CCDC172: variants seen among roughly 807,000 people sequenced by gnomAD.
The protein encoded by CCDC172 is coiled-coil domain-containing protein 172.
CCDC172 carries 30 observed loss-of-function variants against 38.0 expected under a neutral mutation model. The observed-to-expected ratio is 0.79, with a 90% CI of 0.59 to 1.07. CCDC172 has a LOEUF of 1.07. Ranked by LOEUF, CCDC172 falls within the 50% of genes least tolerant of loss-of-function variation. The pLI is 0.00. For synonymous variants in CCDC172, 78 were observed against 88.3 expected (o/e 0.88, Z 0.66); for missense variants, 297 against 290.1 (o/e 1.02, Z -0.17).
At chr10:116,342,290 TGAGCAAA>T in intron 5 of CCDC172, 89 bp downstream of exon 5, 1 of 1,123,412 alleles carries the variant, frequency 8.9e-7, no homozygotes. Flanking sequence ...AACTTTTTCA[TGAGCAAA>T]TTGGGTTATT....
chr10:116,339,532 T>G (rs1844768719), intron 3 of CCDC172, among the ~76,000 whole-genome samples: 1 of 151,862 alleles, frequency 6.6e-6, no homozygotes, highest in African/African-American at 2.4e-5. Flanking sequence ...TCCCCCAATC[T>G]CTAAAATATT....
chr10:116,358,063 C>G, intron 7 of CCDC172, 125 bp downstream of exon 7: 3 of 603,974 alleles, frequency 5.0e-6, no homozygotes, highest in South Asian at 3.9e-5. Flanking sequence ...ATTTTCTTCT[C>G]TGTGTATTCT....
At position 116,379,428 on chromosome 10, in the gene CCDC172, A is replaced by G; in HGVS notation, c.*70A>G. 2.0e-6 allele frequency: 2 copies of G among 1,015,432 alleles called. No homozygotes were observed. The highest frequency in any genetic ancestry group is 3.0e-6 in the Non-Finnish European group (2 of 677,394). 62.9% of individuals were successfully genotyped at this position (1,015,432 alleles called of 1,614,324 possible). A position where few individuals can be genotyped will look rare whatever the true frequency, so the allele number is the denominator to read the frequency against. ...TGAGAATCAAATCTTTGTGATAGAT[A>G]TATGAATGGTACCCGTTACAACGGA... On this transcript the variant is annotated 3_prime_UTR_variant, in exon 9 of 9. Coordinates refer to ENST00000333254, the MANE Select transcript of CCDC172 (RefSeq NM_198515.3).
chr10:116,336,071 G>C (rs1589948254), intron 3 of CCDC172, among the ~76,000 whole-genome samples: 1 of 152,036 alleles, frequency 6.6e-6, no homozygotes, highest in Non-Finnish European at 1.5e-5. Flanking sequence ...GGAGGCTGAG[G>C]CAGGAGAATT....
At chr10:116,374,598 G>A (rs1276625059) in intron 7 of CCDC172, among the ~76,000 whole-genome samples, 1 of 151,482 alleles carries the variant, frequency 6.6e-6, no homozygotes, top group Non-Finnish European at 1.5e-5. Context: ...GGATAAAGGG[G>A]GACTATAGTA....
At chr10:116,341,260 CAG>C (rs1844790441) in intron 4 of CCDC172, among the ~76,000 whole-genome samples, 1 of 151,966 alleles carries the variant, frequency 6.6e-6, no homozygotes. Context: ...TTTTGAATGA[CAG>C]GGCCAATTTA....
intron 5 of CCDC172, among the ~76,000 whole-genome samples, chr10:116,344,471 T>A (rs1844838857): frequency 6.6e-6 from 1 of 152,180 alleles, no homozygotes; most frequent in African/African-American, 2.4e-5. Flanking sequence ...AAAAATACAG[T>A]ATAAATGATT....
At chr10:116,355,425 A>ACTCAC (rs1844984429) in intron 5 of CCDC172, among the ~76,000 whole-genome samples, 2 of 152,190 alleles carry the variant, frequency 1.3e-5, no homozygotes, top group African/African-American at 4.8e-5. Context: ...AGTGAGTGTG[A>ACTCAC]GTACACTTGA....
chr10:116,338,779 A>C (rs925412420), intron 3 of CCDC172, among the ~76,000 whole-genome samples: 2 of 152,134 alleles, frequency 1.3e-5, no homozygotes, highest in Non-Finnish European at 2.9e-5. Flanking sequence ...GAATTTGAAT[A>C]ATAGATTTGC....
At chr10:116,369,555 AT>A (rs1845161831) in intron 7 of CCDC172, among the ~76,000 whole-genome samples, 1 of 152,024 alleles carries the variant, frequency 6.6e-6, no homozygotes, top group Non-Finnish European at 1.5e-5. Context: ...GATTATCTTC[AT>A]TTTTATAGCT....
intron 5 of CCDC172, among the ~76,000 whole-genome samples, chr10:116,345,008 C>T (rs2109153): frequency 0.25 from 38,426 of 151,878 alleles, 5,129 homozygotes; most frequent in East Asian, 0.39. Context: ...TCTATGAGAA[C>T]AATGCCTTTG....
chr10:116,342,155 G>C lies in CCDC172; in HGVS notation c.402G>C (p.Lys134Asn). ...KRELLMKENV[K>N]IEISDLENQA... ...AGCTTTTGATGAAAGAAAATGTCAA[G>C]ATTGAAATATCTGACTTAGAAAACC... The change falls in exon 5 of 9, where the codon AAG becomes AAC. Residue 134 changes from lysine to asparagine, a missense_variant. Physicochemically the swap from Lys to Asn is moderately conservative, Grantham distance 94 (BLOSUM62 0). Coordinates refer to ENST00000333254, the MANE Select transcript of CCDC172 (RefSeq NM_198515.3). 6.5e-7 allele frequency: 1 copy of C among 1,539,580 alleles called. No homozygotes were observed.
At chr10:116,370,087 A>C (rs1218096121) in intron 7 of CCDC172, among the ~76,000 whole-genome samples, 1 of 151,768 alleles carries the variant, frequency 6.6e-6, no homozygotes, top group African/African-American at 2.4e-5. Context: ...TTATTTATAT[A>C]TTATGGAGAT....
At chr10:116,347,176 G>T (rs1844878224) in intron 5 of CCDC172, among the ~76,000 whole-genome samples, 1 of 152,102 alleles carries the variant, frequency 6.6e-6, no homozygotes, top group Non-Finnish European at 1.5e-5. Context: ...AAAGAAAATG[G>T]ACAGTACCCT....
At chr10:116,342,388 A>G in intron 5 of CCDC172, 187 bp downstream of exon 5, 2 of 442,550 alleles carry the variant, frequency 4.5e-6, no homozygotes, top group Non-Finnish European at 4.0e-6. Context: ...TTAGAAGTAC[A>G]TGTGACATGA....
At chr10:116,358,645 C>G (rs1450753309) in intron 7 of CCDC172, among the ~76,000 whole-genome samples, 1 of 152,100 alleles carries the variant, frequency 6.6e-6, no homozygotes, top group Non-Finnish European at 1.5e-5. Flanking sequence ...TCCACTAGAG[C>G]TGAACAAATG....
chr10:116,334,663 TATC>T (rs1844708285), intron 3 of CCDC172, among the ~76,000 whole-genome samples: 1 of 152,110 alleles, frequency 6.6e-6, no homozygotes, highest in South Asian at 2.1e-4. Context: ...TTACTGTTTC[TATC>T]ATCATTGCAG....
At chr10:116,371,128 G>C (rs1316207335) in intron 7 of CCDC172, among the ~76,000 whole-genome samples, 1 of 151,724 alleles carries the variant, frequency 6.6e-6, no homozygotes, top group Non-Finnish European at 1.5e-5. Flanking sequence ...TGACCTTAAG[G>C]AGATTGACTC....
At chr10:116,354,598 C>G (rs1394251484) in intron 5 of CCDC172, among the ~76,000 whole-genome samples, 1 of 152,078 alleles carries the variant, frequency 6.6e-6, no homozygotes, top group Admixed American at 6.5e-5. Flanking sequence ...GTGGCATGCA[C>G]CTGTAGTCCC....
Sources: gnomAD v4.1 joint callset for allele counts (sites outside exome capture counted in the v4.1 genomes callset) on GRCh38, gnomAD v4.1.1 for gene constraint, MANE v1.5 for transcripts, NCBI Gene and HGNC (gene_info 2026-07-23, HGNC 2026-07-21) for gene names.